ROBO1: variants seen among roughly 807,000 people sequenced by gnomAD.
ROBO1 encodes the protein roundabout homolog 1.
ROBO1 carries 149 observed loss-of-function variants against 195.9 expected under a neutral mutation model. The ratio of observed to expected loss-of-function variants is 0.76; its 90% CI spans 0.67 to 0.87. The LOEUF is 0.87. ROBO1 is among the 40% of genes least tolerant of loss of function. ROBO1 has a pLI of 0.00. For missense variants in ROBO1, 1,933 were observed against 2,068.3 expected (o/e 0.93, Z 1.27); for synonymous variants, 816 against 733.2 (o/e 1.11, Z -1.82).
intron 2 of ROBO1, among the ~76,000 whole-genome samples, chr3:79,445,655 C>A (rs530941483): frequency 1.3e-5 from 2 of 149,742 alleles, no homozygotes; most frequent in African/African-American, 2.5e-5. Flanking sequence ...CACCATCAGG[C>A]CTGGCAATTT....
intron 2 of ROBO1, among the ~76,000 whole-genome samples, chr3:79,398,674 C>T (rs2037242761): frequency 6.6e-6 from 1 of 152,116 alleles, no homozygotes; most frequent in Admixed American, 6.6e-5. Flanking sequence ...CTATGTACTG[C>T]AGTACATAAA....
At chr3:79,452,924 T>G (rs1329918287) in intron 2 of ROBO1, among the ~76,000 whole-genome samples, 1 of 151,888 alleles carries the variant, frequency 6.6e-6, no homozygotes, top group Non-Finnish European at 1.5e-5. Context: ...ATCTTGAAGT[T>G]TTGTACAAAA....
chr3:79,592,528 T>A (rs1944036561), intron 1 of ROBO1, among the ~76,000 whole-genome samples: 1 of 152,104 alleles, frequency 6.6e-6, no homozygotes, highest in African/African-American at 2.4e-5. Context: ...TTTGAAGTTT[T>A]GGTTTGCTTT....
intron 3 of ROBO1, among the ~76,000 whole-genome samples, chr3:79,050,789 C>T (rs1374623190): frequency 6.6e-6 from 1 of 152,140 alleles, no homozygotes; most frequent in East Asian, 1.9e-4. Flanking sequence ...GGAAATAGAA[C>T]AACCTGCTCC....
chr3:79,534,844 A>C (rs1017421474), intron 2 of ROBO1, among the ~76,000 whole-genome samples: 1 of 151,738 alleles, frequency 6.6e-6, no homozygotes, highest in African/African-American at 2.4e-5. Flanking sequence ...CTCCCCTTGA[A>C]CCTCTATCCA....
At position 78,688,744 on chromosome 3, in the gene ROBO1, A is replaced by G; in HGVS notation, c.1074T>C (p.Arg358=). The G allele has an allele frequency of 6.2e-7, 1 of 1,609,492 alleles. No individual in the cohort carries two copies. Among genetic ancestry groups the G allele is most frequent in the Non-Finnish European group, 8.5e-7 (1 of 1,177,810 alleles). The change falls in exon 9 of 31, where the codon CGT becomes CGC. Residue 358 remains arginine (R), a synonymous_variant. Transcript: ENST00000464233. ...TCCGTCCCAAAGCAACAACCTGGTCACGGGGTTTCACAACAAAATGTGGAG... is the reference window on the plus strand; with the variant it reads ...TCCGTCCCAAAGCAACAACCTGGTCGCGGGGTTTCACAACAAAATGTGGAG... ...QEPPHFVVKP[R]DQVVALGRTV...
At chr3:79,303,608 T>C (rs61367632) in intron 2 of ROBO1, among the ~76,000 whole-genome samples, 2,911 of 152,258 alleles carry the variant, frequency 0.019, 72 homozygotes, top group African/African-American at 0.061. Context: ...TGAAGTTTTG[T>C]AGCCTTTGAT....
chr3:78,598,809 A>ACT lies in ROBO1; in HGVS notation c.*102_*103dup. 1.5e-6 allele frequency: 1 copy of ACT among 679,830 alleles called. No individual in the cohort carries two copies. The highest frequency in any genetic ancestry group is 2.5e-5 in the South Asian group (1 of 40,722). The allele number at this position is 679,830 out of a possible 1,614,324, so 42.1% of individuals were successfully genotyped here. A position where few individuals can be genotyped will look rare whatever the true frequency, so the allele number is the denominator to read the frequency against. On this transcript the variant is annotated 3_prime_UTR_variant, in exon 31 of 31. Transcript: ENST00000464233. ...GAGGAATAAAAACGACAATTTGTAC[A>ACT]CTCTGATTGCACTGAACATTTTATC...
intron 8 of ROBO1, 47 bp from the exon 9 acceptor site, chr3:78,688,819 T>A (rs1010768920): frequency 1.9e-6 from 3 of 1,553,952 alleles, no homozygotes; most frequent in African/African-American, 1.4e-5. Context: ...CACGTTGTTA[T>A]TGTCCTAATT....
chr3:79,533,430 G>A (rs527423609), intron 2 of ROBO1, among the ~76,000 whole-genome samples: 1 of 152,042 alleles, frequency 6.6e-6, no homozygotes, highest in African/African-American at 2.4e-5. Context: ...TCCTCTTATA[G>A]TTAGCCAATA....
intron 1 of ROBO1, among the ~76,000 whole-genome samples, chr3:79,704,227 T>TTATAAATATA (rs1479116458): frequency 1.3e-5 from 2 of 151,916 alleles, no homozygotes; most frequent in African/African-American, 2.4e-5. Context: ...TAAATTAGAG[T>TTATAAATATA]TCACTCTTGG....
chr3:79,157,172 A>G (rs1177269860), intron 2 of ROBO1, among the ~76,000 whole-genome samples: 2 of 151,828 alleles, frequency 1.3e-5, no homozygotes, highest in South Asian at 2.1e-4. Context: ...CATTAGAAAT[A>G]GTCCTCTGGG....
intron 2 of ROBO1, among the ~76,000 whole-genome samples, chr3:79,331,280 T>TG (rs1265138607): frequency 1.3e-5 from 2 of 152,204 alleles, no homozygotes; most frequent in Admixed American, 1.3e-4. Context: ...CCCAATTTGA[T>TG]GTTGAATACT....
intron 4 of ROBO1, among the ~76,000 whole-genome samples, chr3:78,762,096 A>G (rs974464853): frequency 1.3e-5 from 2 of 152,078 alleles, no homozygotes; most frequent in Non-Finnish European, 2.9e-5. Context: ...ATTTTTCTGG[A>G]AAAAATGATA....
intron 8 of ROBO1, among the ~76,000 whole-genome samples, chr3:78,711,420 TTTCTTTCTTTCTTTCTTTCTTTCC>T (rs1190030212): frequency 3.7e-5 from 4 of 109,266 alleles, no homozygotes; most frequent in South Asian, 3.4e-4. Flanking sequence ...TCTTTCTTTC[TTTCTTTCTTTCTTTCTTTCTTTCC>T]TTCCTTCCTT....
At chr3:79,683,720 T>A in intron 1 of ROBO1, among the ~76,000 whole-genome samples, 1 of 151,954 alleles carries the variant, frequency 6.6e-6, no homozygotes, top group Middle Eastern at 3.4e-3. Flanking sequence ...TTATATATTG[T>A]CCTTCTTTCA....
intron 2 of ROBO1, among the ~76,000 whole-genome samples, chr3:79,367,247 A>C (rs1012668380): frequency 2.0e-5 from 3 of 152,118 alleles, no homozygotes; most frequent in African/African-American, 7.2e-5. Flanking sequence ...GGTCTCTATC[A>C]GAAGGAGTTA....
chr3:79,275,823 C>A (rs1330070836), intron 2 of ROBO1, among the ~76,000 whole-genome samples: 1 of 151,710 alleles, frequency 6.6e-6, no homozygotes, highest in Non-Finnish European at 1.5e-5. Context: ...CAGTTCATTT[C>A]TATATGCAAA....
chr3:79,704,549 T>C (rs2107181829), intron 1 of ROBO1, among the ~76,000 whole-genome samples: 1 of 152,164 alleles, frequency 6.6e-6, no homozygotes, highest in East Asian at 1.9e-4. Flanking sequence ...TAGTATTCTA[T>C]TGTCTGCATT....
Sources: allele counts gnomAD v4.1 joint callset (sites outside exome capture counted in the v4.1 genomes callset), GRCh38; gene constraint gnomAD v4.1.1; transcripts MANE v1.5; gene names NCBI Gene and HGNC (gene_info 2026-07-23, HGNC 2026-07-21).